The following RNF213 variants were observed in gnomAD, a reference collection of about 807,000 sequenced individuals.
The protein encoded by RNF213 is E3 ubiquitin-protein ligase RNF213.
Under a neutral mutation model 514.4 loss-of-function variants are expected in RNF213, and 341 were observed. That is an observed-to-expected ratio of 0.66 (90% confidence interval 0.61 to 0.73). The LOEUF is 0.73. Ranked by LOEUF, RNF213 falls within the 30% of genes least tolerant of loss-of-function variation. RNF213 has a pLI of 0.00. For synonymous variants in RNF213, 2,655 were observed against 2,658.2 expected (o/e 1.00, Z 0.04); for missense variants, 5,767 against 6,615.6 (o/e 0.87, Z 4.45).
At position 80,361,857 on chromosome 17, in the gene RNF213, C is replaced by A; in HGVS notation, c.11324C>A (p.Thr3775Asn). Reference sequence around the variant, plus strand: ...TACTTGAAGGATTTCATTCTCTTGACCATGCGTGTGTCAACGGAGGAGGAA... The same window carrying A: ...TACTTGAAGGATTTCATTCTCTTGAACATGCGTGTGTCAACGGAGGAGGAA... ...QCYLKDFILL[T>N]MRVSTEEELK... Residue 3775 changes from threonine to asparagine, a missense_variant, in exon 39 of 68, where the codon ACC becomes AAC. By Grantham distance (65) the Thr-to-Asn change is moderately conservative (BLOSUM62 0). Around this residue, in one of 13 missense-constraint regions of RNF213, gnomAD observed 355 missense variants for 358.0 expected, o/e 0.99. Transcript: ENST00000582970. The A allele has an allele frequency of 6.2e-7, 1 of 1,613,662 alleles. No individual in the cohort carries two copies. Among genetic ancestry groups the A allele is most frequent in the Non-Finnish European group, 8.5e-7 (1 of 1,179,726 alleles).
chr17:80,319,775 G>T (rs2046076182), intron 17 of RNF213: 1 of 1,262,878 alleles, frequency 7.9e-7, no homozygotes, highest in African/African-American at 1.5e-5. Flanking sequence ...GGAAGAGATT[G>T]TGCCCCCCTG....
At chr17:80,307,103 GT>G in intron 12 of RNF213, 24 bp from the exon 13 acceptor site, 1 of 1,611,552 alleles carries the variant, frequency 6.2e-7, no homozygotes, top group Non-Finnish European at 8.5e-7. Context: ...CTTTTGTCCT[GT>G]TTTTCTTTTT....
At chr17:80,349,101 G>A (rs56010739) in intron 29 of RNF213, among the ~76,000 whole-genome samples, 24,774 of 152,140 alleles carry the variant, frequency 0.16, 2,632 homozygotes, top group Non-Finnish European at 0.23. Flanking sequence ...CCAGTGGGGG[G>A]ATGGGGGGTG....
chr17:80,321,594 A>G (rs1457687612), intron 17 of RNF213: 1 of 152,246 alleles, frequency 6.6e-6, no homozygotes, highest in Non-Finnish European at 1.5e-5. Context: ...CGAGTCCCAC[A>G]GCAGCTGAAC....
Position 80,347,558 on chromosome 17 carries a change from C to G in RNF213, c.9223C>G (p.Pro3075Ala). 6.2e-7 allele frequency: 1 copy of G among 1,614,098 alleles called. No homozygotes were observed. The change falls in exon 29 of 68, where the codon CCC (proline) becomes GCC (alanine). Residue 3075 changes from proline (P) to alanine (A), a missense_variant. Around this residue, in one of 13 missense-constraint regions of RNF213, gnomAD observed 919 missense variants for 1,121.0 expected, o/e 0.82. Coordinates refer to ENST00000582970, the MANE Select transcript of RNF213 (RefSeq NM_001256071.3). This position sits in a 1 kb window ranked among gnomAD's most constrained non-coding sequence, Gnocchi z 7.2. ...GGAGATTATTTTTGGTTCTGGTTTC[C>G]CCAAGGACCAAGAGTACACCCAGCT... The part of the protein sequence containing the change: ...QPEIIFGSGF[P>A]KDQEYTQLCR...
At chr17:80,276,033 A>G (rs1282257380) in intron 3 of RNF213, among the ~76,000 whole-genome samples, 2 of 151,338 alleles carry the variant, frequency 1.3e-5, no homozygotes, top group African/African-American at 4.9e-5. Context: ...TCAAACTACT[A>G]ATTGGCAACA....
intron 17 of RNF213, 45 bp downstream of exon 17, chr17:80,319,357 G>A: frequency 1.9e-6 from 3 of 1,614,246 alleles, no homozygotes; most frequent in Non-Finnish European, 2.5e-6. Flanking sequence ...GCTCACAGCT[G>A]TGTTCTGCCA....
chr17:80,263,732 C>T lies in RNF213; in HGVS notation c.51C>T (p.Phe17=). 1.9e-6 allele frequency: 3 copies of T among 1,614,152 alleles called. No individual in the cohort carries two copies. The highest frequency in any genetic ancestry group is 4.5e-5 in the East Asian group (2 of 44,882). ...QHVSKEETPK[F]CSQCGERLPP... ...TCTCCAAGGAGGAAACCCCCAAGTT[C>T]TGCAGCCAGTGCGGAGAGAGGCTGC... Residue 17 remains phenylalanine, a synonymous_variant, in exon 2 of 68, where the codon TTC becomes TTT. Transcript: ENST00000582970. The surrounding 1 kb of genome is among the most constrained non-coding windows in gnomAD (Gnocchi z 4.9).
At chr17:80,361,180 GC>G (rs1348675836) in intron 38 of RNF213, among the ~76,000 whole-genome samples, 1 of 152,146 alleles carries the variant, frequency 6.6e-6, no homozygotes, top group African/African-American at 2.4e-5. Flanking sequence ...GGCTAGCTTG[GC>G]TGTTTCTGAC....
chr17:80,329,180 C>G (rs1193261915), intron 20 of RNF213, among the ~76,000 whole-genome samples: 1 of 152,234 alleles, frequency 6.6e-6, no homozygotes, highest in East Asian at 1.9e-4. Context: ...ACGCCCCCCT[C>G]CCCCGCTACT....
chr17:80,359,328 C>A (rs760049185), intron 37 of RNF213, among the ~76,000 whole-genome samples: 5 of 151,824 alleles, frequency 3.3e-5, no homozygotes, highest in Non-Finnish European at 5.9e-5. Flanking sequence ...GGGTTGAAGA[C>A]CAGCTTGGGC....
At position 80,343,839 on chromosome 17, in the gene RNF213, G is replaced by T; in HGVS notation, c.6184-18G>T. ...CCATCGTGTCGTGTGTTTACACCTCGTGCGATTCTGTTCTTAGGTGCAGAC... is the reference window on the plus strand; with the variant it reads ...CCATCGTGTCGTGTGTTTACACCTCTTGCGATTCTGTTCTTAGGTGCAGAC... On this transcript the variant is annotated intron_variant, in intron 27 of 67. Transcript: ENST00000582970. This position sits in a 1 kb window ranked among gnomAD's most constrained non-coding sequence, Gnocchi z 4.3. 6.2e-7 allele frequency: 1 copy of T among 1,614,034 alleles called. No homozygotes were observed. Among genetic ancestry groups the T allele is most frequent in the Non-Finnish European group, 8.5e-7 (1 of 1,179,946 alleles).
chr17:80,348,301 G>T lies in RNF213; in HGVS notation c.9951+15G>T. Reference sequence around the variant, plus strand: ...TCTTCACAGAGGTGATTGTCTTTCTGCACTTGTACCCTATCCCCTGTCACC... The same window carrying T: ...TCTTCACAGAGGTGATTGTCTTTCTTCACTTGTACCCTATCCCCTGTCACC... On this transcript the variant is annotated intron_variant, in intron 29 of 67. Coordinates refer to ENST00000582970, the MANE Select transcript of RNF213 (RefSeq NM_001256071.3). 1 of 1,608,722 alleles carries T rather than the reference G, an allele frequency of 6.2e-7. No individual in the cohort carries two copies. The highest frequency in any genetic ancestry group is 8.5e-7 in the Non-Finnish European group (1 of 1,179,996).
intron 23 of RNF213, among the ~76,000 whole-genome samples, chr17:80,337,210 G>A (rs534947590): frequency 1.3e-4 from 20 of 152,208 alleles, no homozygotes; most frequent in Non-Finnish European, 2.5e-4. Flanking sequence ...TGCTTCCAGC[G>A]TCACCCCCAG....
chr17:80,309,215 C>G, intron 14 of RNF213, 44 bp downstream of exon 14: 1 of 1,611,282 alleles, frequency 6.2e-7, no homozygotes, highest in Non-Finnish European at 8.5e-7. Context: ...GGGATAGGTG[C>G]GGAATTTCAA....
chr17:80,391,315 A>C (rs2080463146), intron 67 of RNF213, among the ~76,000 whole-genome samples: 1 of 152,120 alleles, frequency 6.6e-6, no homozygotes, highest in African/African-American at 2.4e-5. Context: ...CTCCCACCCA[A>C]GCTGGAGTGC....
chr17:80,355,121 G>C (rs2078684324), intron 36 of RNF213: 1 of 452,902 alleles, frequency 2.2e-6, no homozygotes, highest in African/African-American at 2.0e-5. Flanking sequence ...GTCTCTTTAA[G>C]ACAGACTCTC....
In RNF213 at chr17:80,397,940, G is replaced by T. The variant is rs767151028; in HGVS notation, c.*4442G>T. The T allele has an allele frequency of 4.7e-5, 7 of 147,526 alleles. No individual in the cohort carries two copies. Among genetic ancestry groups the T allele is most frequent in the South Asian group, 2.4e-4 (1 of 4,088 alleles). 9.1% of individuals were successfully genotyped at this position (147,526 alleles called of 1,614,324 possible). A position where few individuals can be genotyped will look rare whatever the true frequency, so the allele number is the denominator to read the frequency against. Reference sequence around the variant, plus strand: ...CGCTCTCAGGCAGGCAATTGCCCCAGTGGAATGCCTGGCCAGAGCAGTGTG... The same window carrying T: ...CGCTCTCAGGCAGGCAATTGCCCCATTGGAATGCCTGGCCAGAGCAGTGTG... On this transcript the variant is annotated 3_prime_UTR_variant, in exon 68 of 68. Transcript: ENST00000582970.
rs1192575221 is a variant in RNF213, at chr17:80,264,068, A to T, written c.97+290A>T. Among the ~76,000 whole-genome samples the T allele has an allele frequency of 6.6e-6, 1 of 152,114 alleles. No homozygotes were observed. The highest frequency in any genetic ancestry group is 2.4e-5 in the African/African-American group (1 of 41,436). ...TGAGTGAGCCCACCCGAGTGGGAGG[A>T]GAGGGCAGGGCCAGGGCAGGGAGAG... On this transcript the variant is annotated intron_variant, in intron 2 of 67. Coordinates refer to ENST00000582970, the MANE Select transcript of RNF213 (RefSeq NM_001256071.3). The surrounding 1 kb of genome is among the most constrained non-coding windows in gnomAD (Gnocchi z 5.0).
Sources: gnomAD v4.1 joint callset for allele counts (sites outside exome capture counted in the v4.1 genomes callset) on GRCh38, gnomAD v4.1.1 for gene constraint, gnomAD v4.1.1 regional missense constraint, Gnocchi (gnomAD v3.1) non-coding constraint, MANE v1.5 for transcripts, NCBI Gene and HGNC (gene_info 2026-07-23, HGNC 2026-07-21) for gene names.